The following TMEM236 variants were observed in gnomAD, a reference collection of about 807,000 sequenced individuals.
The protein encoded by TMEM236 is transmembrane protein 236, also known as family with sequence similarity 23, member A.
A neutral mutation model predicts 14.7 loss-of-function variants in TMEM236; 11 were observed. The ratio of observed to expected loss-of-function variants is 0.75; its 90% CI spans 0.47 to 1.24. The LOEUF (loss-of-function observed/expected upper bound fraction) is 1.24, where lower values mean the gene tolerates loss of function less well. Among genes scored for constraint, TMEM236 ranks in the 50% most tolerant of loss-of-function variants. TMEM236 has a pLI of 0.00. For synonymous variants in TMEM236, 182 were observed against 168.6 expected (o/e 1.08, Z -0.62); for missense variants, 464 against 427.3 (o/e 1.09, Z -0.76).
chr10:17,783,440 C>A (rs1358910890), intron 3 of TMEM236, among the ~76,000 whole-genome samples: 1 of 152,160 alleles, frequency 6.6e-6, no homozygotes, highest in Non-Finnish European at 1.5e-5. Flanking sequence ...TCCACTATCA[C>A]ATCAGCGAGA....
At chr10:17,789,956 G>A (rs1014986760) in intron 3 of TMEM236, among the ~76,000 whole-genome samples, 7 of 152,086 alleles carry the variant, frequency 4.6e-5, no homozygotes, top group Non-Finnish European at 7.4e-5. Context: ...CCCGGGAGGC[G>A]GAGCTTGCAG....
At chr10:17,774,046 T>TTTGTTTGA (rs1462589759) in intron 2 of TMEM236, among the ~76,000 whole-genome samples, 1 of 151,916 alleles carries the variant, frequency 6.6e-6, no homozygotes, top group Non-Finnish European at 1.5e-5. Context: ...TGTTTGTTTG[T>TTTGTTTGA]TTGTTTGTTT....
In TMEM236 at chr10:17,752,601, C is replaced by T. The variant is rs1279017263; in HGVS notation, c.257+49C>T. ...TTTCTTTTTGATTTGGAGTCTCGCTCTGTCACCCAGGCTGGAGTGCAGTAG... is the reference window on the plus strand; with the variant it reads ...TTTCTTTTTGATTTGGAGTCTCGCTTTGTCACCCAGGCTGGAGTGCAGTAG... On this transcript the variant is annotated intron_variant, in intron 1 of 3. Transcript: ENST00000377495. 4 of 1,585,574 alleles carry T rather than the reference C, an allele frequency of 2.5e-6. No homozygotes were observed. The African/African-American group carries it at 4.0e-5, about 16-fold the overall frequency.
At chr10:17,775,359 C>T (rs1019406851) in intron 2 of TMEM236, among the ~76,000 whole-genome samples, 4 of 152,324 alleles carry the variant, frequency 2.6e-5, no homozygotes, top group African/African-American at 4.8e-5. Flanking sequence ...ACTGCAGCCT[C>T]GACCTCCTGG....
chr10:17,766,585 C>G (rs1837468036), intron 1 of TMEM236, among the ~76,000 whole-genome samples: 1 of 152,204 alleles, frequency 6.6e-6, no homozygotes, highest in Non-Finnish European at 1.5e-5. Flanking sequence ...TTGTGCTTCT[C>G]ACAACTCTCC....
intron 1 of TMEM236, among the ~76,000 whole-genome samples, chr10:17,755,497 G>T (rs896595198): frequency 3.3e-5 from 5 of 152,120 alleles, no homozygotes; most frequent in African/African-American, 1.2e-4. Context: ...TCATTTTCCC[G>T]AAAGCAGGGG....
At chr10:17,782,844 C>T (rs1837776134) in intron 3 of TMEM236, among the ~76,000 whole-genome samples, 1 of 152,154 alleles carries the variant, frequency 6.6e-6, no homozygotes, top group Non-Finnish European at 1.5e-5. Flanking sequence ...AGCAGATCCC[C>T]AGTTGTTGAA....
At chr10:17,779,464 C>T (rs1056510830) in intron 3 of TMEM236, among the ~76,000 whole-genome samples, 165 of 152,164 alleles carry the variant, frequency 1.1e-3, no homozygotes, top group Admixed American at 2.2e-3. Flanking sequence ...CTTTTTTCTG[C>T]TCCCATTTAA....
rs1837701675 is a variant in TMEM236 at position 17,778,953 on chromosome 10, T to C, written c.472+2783T>C. On this transcript the variant is annotated intron_variant, in intron 3 of 3. Transcript: ENST00000377495. Reference sequence around the variant, plus strand: ...TATCAAGTAATTATCATGCAACAGCTTCTAAGTGCATCGTTTCATGGAGGT... The same window carrying C: ...TATCAAGTAATTATCATGCAACAGCCTCTAAGTGCATCGTTTCATGGAGGT... 2.0e-5 allele frequency among the ~76,000 whole-genome samples: 3 copies of C among 152,158 alleles called. No individual in the cohort carries two copies. The South Asian group carries it at 6.2e-4, about 32-fold the overall frequency.
At chr10:17,793,279 G>T (rs1206739589) in intron 3 of TMEM236, among the ~76,000 whole-genome samples, 4 of 152,202 alleles carry the variant, frequency 2.6e-5, no homozygotes, top group African/African-American at 7.2e-5. Context: ...TGTCACTTTT[G>T]GGGTTTCCAC....
intron 1 of TMEM236, among the ~76,000 whole-genome samples, chr10:17,754,413 C>G (rs1382457986): frequency 6.6e-6 from 1 of 151,968 alleles, no homozygotes; most frequent in African/African-American, 2.4e-5. Flanking sequence ...CTCAACCTCC[C>G]CAGGGGGCTC....
rs1326377139 is a variant in TMEM236, at chr10:17,798,613, C to T, written c.*2109C>T. 1 of 533,430 alleles carries T rather than the reference C, an allele frequency of 1.9e-6. No individual in the cohort carries two copies. The highest frequency in any genetic ancestry group is 3.9e-6 in the Non-Finnish European group (1 of 259,428). The allele number at this position is 533,430 out of a possible 1,614,324, so 33.0% of individuals were successfully genotyped here. ...ACCTCTCCCCTTGCCACCCTGTCTC[C>T]CTTTCCCTCTGTTTTAGGATTTTTC... On this transcript the variant is annotated 3_prime_UTR_variant, in exon 4 of 4. Coordinates refer to ENST00000377495, the MANE Select transcript of TMEM236 (RefSeq NM_001098844.3).
rs1554836685 is a variant in TMEM236, at chr10:17,799,908, T to C, written c.*3404T>C. 1 of 152,582 alleles carries C rather than the reference T, an allele frequency of 6.6e-6. No homozygotes were observed. Among genetic ancestry groups the C allele is most frequent in the African/African-American group, 2.4e-5 (1 of 41,438 alleles). The allele number at this position is 152,582 out of a possible 1,614,324, so 9.5% of individuals were successfully genotyped here. A position where few individuals can be genotyped will look rare whatever the true frequency, so the allele number is the denominator to read the frequency against. ...GTAGGAGGAAAATTGAGTAGCTAAT[T>C]TAATTTCATTTAATATTTTACTTAG... On this transcript the variant is annotated 3_prime_UTR_variant, in exon 4 of 4. Transcript: ENST00000377495.
intron 1 of TMEM236, among the ~76,000 whole-genome samples, chr10:17,755,496 C>T (rs1224227829): frequency 6.6e-6 from 1 of 152,102 alleles, no homozygotes; most frequent in African/African-American, 2.4e-5. Context: ...TTCATTTTCC[C>T]GAAAGCAGGG....
intron 1 of TMEM236, among the ~76,000 whole-genome samples, chr10:17,770,983 T>C (rs1837562527): frequency 6.6e-6 from 1 of 152,374 alleles, no homozygotes; most frequent in Admixed American, 6.5e-5. Flanking sequence ...AGTTGGTCAC[T>C]ACAGCCTGAC....
chr10:17,773,729 T>C (rs1554835014), intron 2 of TMEM236, among the ~76,000 whole-genome samples: 1 of 152,262 alleles, frequency 6.6e-6, no homozygotes, highest in African/African-American at 2.4e-5. Context: ...ATTAACAATG[T>C]TGAGCATCTT....
intron 1 of TMEM236, among the ~76,000 whole-genome samples, chr10:17,766,196 C>T (rs148299541): frequency 0.86 from 131,150 of 152,262 alleles, 56,733 homozygotes; most frequent in East Asian, 1. Context: ...TTATTGTAAA[C>T]AGCAGGGAGG....
intron 3 of TMEM236, among the ~76,000 whole-genome samples, chr10:17,779,252 C>T (rs904003111): frequency 2.5e-4 from 38 of 152,090 alleles, no homozygotes; most frequent in African/African-American, 8.7e-4. Flanking sequence ...GTTGCCAGCT[C>T]TCACTCCAGG....
chr10:17,766,700 T>C (rs1837470805), intron 1 of TMEM236, among the ~76,000 whole-genome samples: 1 of 152,324 alleles, frequency 6.6e-6, no homozygotes, highest in East Asian at 1.9e-4. Context: ...TTCCTAGAAA[T>C]GCGACAACAA....
Sources: gnomAD v4.1 joint callset for allele counts (sites outside exome capture counted in the v4.1 genomes callset) on GRCh38, gnomAD v4.1.1 for gene constraint, MANE v1.5 for transcripts, NCBI Gene and HGNC (gene_info 2026-07-23, HGNC 2026-07-21) for gene names.